KCNIP4: variants seen among roughly 807,000 people sequenced by gnomAD.
KCNIP4 encodes the protein Kv channel-interacting protein 4.
Under a neutral mutation model 34.0 loss-of-function variants are expected in KCNIP4, and 12 were observed. That is an observed-to-expected ratio of 0.35 (90% CI 0.23 to 0.57). KCNIP4 has a LOEUF of 0.57. KCNIP4 is among the 20% of genes least tolerant of loss of function. The pLI is 0.83. For synonymous variants in KCNIP4, 124 were observed against 102.2 expected (o/e 1.21, Z -1.29); for missense variants, 238 against 311.7 (o/e 0.76, Z 1.78).
chr4:21,511,320 T>C (rs1734294753), intron 1 of KCNIP4, among the ~76,000 whole-genome samples: 1 of 145,776 alleles, frequency 6.9e-6, no homozygotes, highest in African/African-American at 2.6e-5. Flanking sequence ...CTTCATATTA[T>C]AATGACATTT....
intron 1 of KCNIP4, among the ~76,000 whole-genome samples, chr4:21,534,170 C>T (rs767289009): frequency 1.3e-5 from 2 of 152,096 alleles, no homozygotes; most frequent in Non-Finnish European, 2.9e-5. Context: ...GCACATAAAA[C>T]ATAGCATAGC....
At chr4:20,986,906 C>A (rs1279128069) in intron 1 of KCNIP4, among the ~76,000 whole-genome samples, 1 of 149,790 alleles carries the variant, frequency 6.7e-6, no homozygotes, top group African/African-American at 2.5e-5. Context: ...TTCCTATCTG[C>A]ATTAGTTACA....
intron 1 of KCNIP4, among the ~76,000 whole-genome samples, chr4:21,374,781 A>G (rs1720820175): frequency 6.8e-6 from 1 of 147,510 alleles, no homozygotes; most frequent in Non-Finnish European, 1.5e-5. Flanking sequence ...TTAGGGAGAC[A>G]TTAGATACTC....
chr4:21,102,476 G>C (rs1035535851), intron 1 of KCNIP4, among the ~76,000 whole-genome samples: 7 of 152,136 alleles, frequency 4.6e-5, no homozygotes, highest in African/African-American at 1.7e-4. Context: ...AACTTAAGCA[G>C]AGCTCGTCCC....
In KCNIP4 at chr4:21,025,552, T is replaced by TTG. The variant is rs1553928605; in HGVS notation, c.62-142844_62-142843insCA. The stretch of plus-strand genomic sequence containing the variant: ...GTCACTCATTGATACTGTTTTTTTT[T>TTG]TTTTTTTTTTTTTTTTTTTGAGACG... On this transcript the variant is annotated intron_variant, in intron 1 of 8. Transcript: ENST00000382152. Among the ~76,000 whole-genome samples the TTG allele has an allele frequency of 1.4e-3, 99 of 72,718 alleles. 3 individuals carry two copies. The highest frequency in any genetic ancestry group is 2.2e-3 in the Non-Finnish European group (82 of 37,066). 47.7% of individuals were successfully genotyped at this position (72,718 alleles called of 152,430 possible). A position where few individuals can be genotyped will look rare whatever the true frequency, so the allele number is the denominator to read the frequency against.
At chr4:20,832,785 T>G (rs1718579582) in intron 3 of KCNIP4, among the ~76,000 whole-genome samples, 1 of 149,292 alleles carries the variant, frequency 6.7e-6, no homozygotes, top group Admixed American at 6.7e-5. Context: ...TTTATCTCAC[T>G]GTAAACATTT....
chr4:20,732,738 A>T lies in KCNIP4; in HGVS notation c.585T>A (p.Cys195Ter). ...MKAIYDMMGK[C>*]TYPVLKEDAP... Reference sequence around the variant, plus strand: ...CATCTTCTTTGAGGACAGGATATGTACATTTACCCATCATATCGTATATTG... The same window carrying T: ...CATCTTCTTTGAGGACAGGATATGTTCATTTACCCATCATATCGTATATTG... The change falls in exon 7 of 9, where the codon TGT becomes TGA. Residue 195 changes from cysteine to a stop codon, truncating the protein, a stop_gained. Transcript: ENST00000382152. LOFTEE classifies it high-confidence loss of function. 6.2e-7 allele frequency: 1 copy of T among 1,612,740 alleles called. No individual in the cohort carries two copies. Among genetic ancestry groups the T allele is most frequent in the Non-Finnish European group, 8.5e-7 (1 of 1,178,948 alleles).
chr4:21,883,061 T>C (rs922145847), intron 1 of KCNIP4, among the ~76,000 whole-genome samples: 2 of 151,860 alleles, frequency 1.3e-5, no homozygotes, highest in Admixed American at 1.3e-4. Context: ...GCCCAAGAAA[T>C]AACATTCTAA....
chr4:21,826,725 G>C, intron 1 of KCNIP4, among the ~76,000 whole-genome samples: 2 of 152,130 alleles, frequency 1.3e-5, no homozygotes, highest in South Asian at 4.2e-4. Flanking sequence ...TAGTAAGTTG[G>C]AGAAAAATCT....
intron 5 of KCNIP4, among the ~76,000 whole-genome samples, chr4:20,748,575 T>TGG (rs1237970399): frequency 1.9e-5 from 1 of 53,626 alleles, no homozygotes; most frequent in African/African-American, 7.7e-5. Context: ...TATATATATA[T>TGG]ATATATATAT....
rs186094219 is a variant in KCNIP4, at chr4:20,730,214, C to A, written c.706-85G>T. 3.9e-3 allele frequency: 5,616 copies of A among 1,452,654 alleles called. 15 individuals carry two copies. The highest frequency in any genetic ancestry group is 7.7e-3 in the Admixed American group (327 of 42,566). The allele number at this position is 1,452,654 out of a possible 1,614,324, so 90.0% of individuals were successfully genotyped here. A position where few individuals can be genotyped will look rare whatever the true frequency, so the allele number is the denominator to read the frequency against. ...TTTTGCCCCTGAGTATTGCCTCCTC[C>A]CATCAACCACCTCAACCACCTATGC... is the stretch of plus-strand genomic sequence containing the variant. On this transcript the variant is annotated intron_variant, in intron 8 of 8. Transcript: ENST00000382152.
chr4:21,494,629 C>T (rs1191813732), intron 1 of KCNIP4, among the ~76,000 whole-genome samples: 2 of 151,848 alleles, frequency 1.3e-5, no homozygotes, highest in South Asian at 2.1e-4. Flanking sequence ...AAAAATTAGC[C>T]TGGCATGGTG....
chr4:21,398,566 C>A (rs1723207810), intron 1 of KCNIP4, among the ~76,000 whole-genome samples: 1 of 152,174 alleles, frequency 6.6e-6, no homozygotes, highest in South Asian at 2.1e-4. Flanking sequence ...CATACACATG[C>A]ACATGTACGT....
chr4:21,039,043 TG>T (rs1264986323), intron 1 of KCNIP4, among the ~76,000 whole-genome samples: 1 of 152,118 alleles, frequency 6.6e-6, no homozygotes, highest in Admixed American at 6.6e-5. Flanking sequence ...GAGGCAGACG[TG>T]GGATAGCTAT....
chr4:20,859,107 G>C (rs543642821), intron 2 of KCNIP4, among the ~76,000 whole-genome samples: 1 of 152,138 alleles, frequency 6.6e-6, no homozygotes, highest in East Asian at 1.9e-4. Flanking sequence ...AAAATATGCC[G>C]GGGCACCTTC....
chr4:21,575,624 A>G (rs1577623697), intron 1 of KCNIP4, among the ~76,000 whole-genome samples: 3 of 151,974 alleles, frequency 2.0e-5, no homozygotes, highest in African/African-American at 7.3e-5. Flanking sequence ...TGTCATCTTC[A>G]CAAGATTCTA....
chr4:21,718,815 A>G (rs1440954451), intron 1 of KCNIP4: 1 of 152,174 alleles, frequency 6.6e-6, no homozygotes, highest in East Asian at 1.9e-4. Flanking sequence ...TAAATAAGAA[A>G]ATGAGGTGAT....
At chr4:20,997,878 T>C (rs113936708) in intron 1 of KCNIP4, among the ~76,000 whole-genome samples, 1 of 152,186 alleles carries the variant, frequency 6.6e-6, no homozygotes, top group African/African-American at 2.4e-5. Flanking sequence ...ATACAGCTGC[T>C]TCAAGTCACC....
chr4:21,424,073 C>A (rs1326830075), intron 1 of KCNIP4, among the ~76,000 whole-genome samples: 1 of 150,766 alleles, frequency 6.6e-6, no homozygotes, highest in Non-Finnish European at 1.5e-5. Flanking sequence ...CCCGCCTTGG[C>A]CTCCCAAAGT....
Sources: gnomAD v4.1 joint callset for allele counts (sites outside exome capture counted in the v4.1 genomes callset) on GRCh38, gnomAD v4.1.1 for gene constraint, MANE v1.5 for transcripts, NCBI Gene and HGNC (gene_info 2026-07-23, HGNC 2026-07-21) for gene names.